Variants in PPP1R9A observed in about 807,000 individuals in gnomAD.
PPP1R9A encodes the protein protein phosphatase 1 regulatory subunit 9A.
PPP1R9A carries 59 observed loss-of-function variants against 141.9 expected under a neutral mutation model. The ratio of observed to expected loss-of-function variants is 0.42; its 90% CI spans 0.34 to 0.52. PPP1R9A has a LOEUF of 0.52. Among genes scored for constraint, PPP1R9A ranks in the 20% least tolerant of loss-of-function variants. The pLI, the probability that PPP1R9A is intolerant of heterozygous loss-of-function variation, is 0.10. For missense variants in PPP1R9A, 1,444 were observed against 1,611.9 expected (o/e 0.90, Z 1.78); for synonymous variants, 500 against 569.7 (o/e 0.88, Z 1.74).
intron 2 of PPP1R9A, among the ~76,000 whole-genome samples, chr7:94,985,712 C>G (rs370835972): frequency 3.5e-4 from 53 of 151,998 alleles, no homozygotes; most frequent in South Asian, 2.7e-3. Flanking sequence ...TTATTTTGAG[C>G]CTGTGTGTGT....
chr7:95,079,165 G>C (rs1247900295), intron 2 of PPP1R9A, among the ~76,000 whole-genome samples: 3 of 152,174 alleles, frequency 2.0e-5, no homozygotes, highest in African/African-American at 7.2e-5. Flanking sequence ...TGTATAAGGT[G>C]TAAGGAAGGG....
At position 95,284,071 on chromosome 7, in the gene PPP1R9A, A is replaced by AG; in HGVS notation, c.3351dup (p.Thr1118AspfsTer14). On this transcript the variant is annotated frameshift_variant, in exon 17 of 20. Coordinates refer to ENST00000433360, the MANE Select transcript of PPP1R9A (RefSeq NM_001166160.2). LOFTEE classifies it high-confidence loss of function. ...ACACCCAAGCCATGTTCAACAGCTC[A>AG]GACCTCCACTCGTTCCCCTTGCATG... is the stretch of plus-strand genomic sequence containing the variant. The AG allele has an allele frequency of 6.3e-7, 1 of 1,597,784 alleles. No homozygotes were observed. The highest frequency in any genetic ancestry group is 2.2e-5 in the East Asian group (1 of 44,860).
At chr7:95,099,998 T>C (rs1818544459) in intron 2 of PPP1R9A, among the ~76,000 whole-genome samples, 1 of 152,258 alleles carries the variant, frequency 6.6e-6, no homozygotes, top group African/African-American at 2.4e-5. Context: ...AATCTTCATA[T>C]ATATGAAAAT....
At chr7:95,108,314 T>TTC (rs1563246766) in intron 2 of PPP1R9A, among the ~76,000 whole-genome samples, 1 of 121,278 alleles carries the variant, frequency 8.2e-6, no homozygotes, top group African/African-American at 3.2e-5. Context: ...TTTCTTTTTT[T>TTC]TTTTTTTTTT....
intron 16 of PPP1R9A, among the ~76,000 whole-genome samples, chr7:95,275,902 A>G (rs1419439947): frequency 1.3e-5 from 2 of 152,216 alleles, no homozygotes; most frequent in Admixed American, 1.3e-4. Flanking sequence ...ACATTGGAAA[A>G]GGGTAGAATG....
At chr7:94,908,181 T>G (rs1246607030) in intron 1 of PPP1R9A, 11 of 74,012 alleles carry the variant, frequency 1.5e-4, no homozygotes, top group Admixed American at 1.8e-4. Context: ...TTGGGGAGGG[T>G]GGAGAGGAGG....
At chr7:95,141,204 A>C (rs908835146) in intron 4 of PPP1R9A, among the ~76,000 whole-genome samples, 1 of 152,232 alleles carries the variant, frequency 6.6e-6, no homozygotes, top group African/African-American at 2.4e-5. Flanking sequence ...TAGGATGAAA[A>C]TACCAGAATT....
chr7:94,974,648 A>T (rs1368601712), intron 2 of PPP1R9A, among the ~76,000 whole-genome samples: 7 of 152,262 alleles, frequency 4.6e-5, no homozygotes, highest in Middle Eastern at 3.4e-3. Flanking sequence ...TTTCTCTTCT[A>T]AAAAAACATT....
At chr7:94,963,568 A>G (rs1314539095) in intron 2 of PPP1R9A, among the ~76,000 whole-genome samples, 2 of 152,068 alleles carry the variant, frequency 1.3e-5, no homozygotes, top group Non-Finnish European at 2.9e-5. Flanking sequence ...TGTGTCTTCT[A>G]CCTTTCACCT....
At chr7:94,997,942 A>G (rs958058297) in intron 2 of PPP1R9A, among the ~76,000 whole-genome samples, 1 of 152,150 alleles carries the variant, frequency 6.6e-6, no homozygotes, top group African/African-American at 2.4e-5. Flanking sequence ...CTCATGGATC[A>G]TAATTCTGGG....
intron 10 of PPP1R9A, among the ~76,000 whole-genome samples, chr7:95,251,224 T>C (rs956084113): frequency 1.3e-5 from 2 of 152,206 alleles, no homozygotes; most frequent in African/African-American, 4.8e-5. Context: ...AATTTGCATA[T>C]TCTATTCCAG....
At chr7:95,242,560 G>A (rs979564321) in intron 8 of PPP1R9A, among the ~76,000 whole-genome samples, 6 of 151,866 alleles carry the variant, frequency 4.0e-5, no homozygotes, top group East Asian at 1.9e-4. Flanking sequence ...ATATCGATCC[G>A]GTAATATGAG....
intron 12 of PPP1R9A, among the ~76,000 whole-genome samples, chr7:95,255,450 C>G (rs1799439691): frequency 6.6e-6 from 1 of 152,114 alleles, no homozygotes; most frequent in Admixed American, 6.6e-5. Flanking sequence ...ATATTTCTGA[C>G]TATTCTACCG....
At chr7:94,956,961 T>A (rs1797137296) in intron 2 of PPP1R9A, among the ~76,000 whole-genome samples, 1 of 152,202 alleles carries the variant, frequency 6.6e-6, no homozygotes, top group African/African-American at 2.4e-5. Flanking sequence ...CAGATATAAA[T>A]GTACGTGATC....
Position 95,077,115 on chromosome 7 carries a change from A to C in PPP1R9A, c.1396-34144A>C, listed in dbSNP as rs111356787. Among the ~76,000 whole-genome samples the C allele has an allele frequency of 7.8e-3, 1,190 of 152,234 alleles. 11 individuals are homozygous for C. The highest frequency in any genetic ancestry group is 0.026 in the African/African-American group (1,099 of 41,568). ...AGAGTTGGCTTTTGATTTTTAATTTAGTCTGAAATTTTCTTTCCCTCAAAT... is the reference window on the plus strand; with the variant it reads ...AGAGTTGGCTTTTGATTTTTAATTTCGTCTGAAATTTTCTTTCCCTCAAAT... On this transcript the variant is annotated intron_variant, in intron 2 of 19. Coordinates refer to ENST00000433360, the MANE Select transcript of PPP1R9A (RefSeq NM_001166160.2).
At chr7:94,924,907 C>G (rs1793281241) in intron 2 of PPP1R9A, among the ~76,000 whole-genome samples, 1 of 152,038 alleles carries the variant, frequency 6.6e-6, no homozygotes, top group South Asian at 2.1e-4. Context: ...GAAGCCTGTC[C>G]CTCAGATGGT....
At position 95,159,547 on chromosome 7, in the gene PPP1R9A, C is replaced by T. The variant is rs181122838; in HGVS notation, c.1650-2320C>T. 7.2e-5 allele frequency among the ~76,000 whole-genome samples: 11 copies of T among 152,120 alleles called. No individual in the cohort carries two copies. The East Asian group carries it at 1.9e-3, about 27-fold the overall frequency. ...ATCATTTAATTAGTGTGGTGATTAC[C>T]TCTGTATAAGCAATGAAGAGAATAA... is the stretch of plus-strand genomic sequence containing the variant. On this transcript the variant is annotated intron_variant, in intron 4 of 19. Coordinates refer to ENST00000433360, the MANE Select transcript of PPP1R9A (RefSeq NM_001166160.2).
At chr7:95,076,922 A>G (rs1482048508) in intron 2 of PPP1R9A, among the ~76,000 whole-genome samples, 2 of 152,030 alleles carry the variant, frequency 1.3e-5, no homozygotes, top group Non-Finnish European at 2.9e-5. Flanking sequence ...TTCTTTACAA[A>G]TTATAGTTTT....
intron 12 of PPP1R9A, among the ~76,000 whole-genome samples, chr7:95,265,924 G>GT (rs1179076618): frequency 6.6e-6 from 1 of 152,124 alleles, no homozygotes. Context: ...TGCTCAAGCA[G>GT]TTTGCACCTA....
Sources: gnomAD v4.1 joint callset for allele counts (sites outside exome capture counted in the v4.1 genomes callset) on GRCh38, gnomAD v4.1.1 for gene constraint, MANE v1.5 for transcripts, NCBI Gene and HGNC (gene_info 2026-07-23, HGNC 2026-07-21) for gene names.